Variants in AXL observed in about 807,000 individuals in gnomAD.
AXL encodes tyrosine-protein kinase receptor UFO.
Under a neutral mutation model 104.5 loss-of-function variants are expected in AXL, and 52 were observed. That is an observed-to-expected ratio of 0.50 (90% confidence interval 0.40 to 0.63). The LOEUF (loss-of-function observed/expected upper bound fraction) is 0.63, where lower values mean the gene tolerates loss of function less well. Ranked by LOEUF, AXL falls within the 20% of genes least tolerant of loss-of-function variation. The pLI is 0.00. For missense variants in AXL, 1,024 were observed against 1,188.5 expected (o/e 0.86, Z 2.04); for synonymous variants, 455 against 473.7 (o/e 0.96, Z 0.51).
intron 12 of AXL, among the ~76,000 whole-genome samples, chr19:41,244,277 T>C (rs1048510177): frequency 2.0e-5 from 3 of 151,730 alleles, no homozygotes; most frequent in Admixed American, 6.6e-5. Context: ...GAAGATGTAA[T>C]GATGATGATA....
intron 12 of AXL, among the ~76,000 whole-genome samples, chr19:41,246,996 A>T (rs2034282569): frequency 7.1e-6 from 1 of 140,604 alleles, no homozygotes; most frequent in African/African-American, 2.9e-5. Context: ...AAAATGGATA[A>T]ATTACAATTA....
At chr19:41,248,171 G>T (rs536285939) in intron 12 of AXL, among the ~76,000 whole-genome samples, 105 of 152,314 alleles carry the variant, frequency 6.9e-4, no homozygotes, top group African/African-American at 2.5e-3. Context: ...TGATCCACCT[G>T]CCTCTGCCTC....
Position 41,239,224 on chromosome 19 carries a change from G to T in AXL, c.1195G>T (p.Val399Leu). 3.1e-6 allele frequency: 5 copies of T among 1,613,112 alleles called. No homozygotes were observed. Among genetic ancestry groups the T allele is most frequent in the Non-Finnish European group, 4.2e-6 (5 of 1,179,432 alleles). ...VTLELQGDGS[V>L]SNLTVCVAAY... The stretch of plus-strand genomic sequence containing the variant: ...CCTGGAGCTGCAGGGGGACGGGTCT[G>T]TGTCCAATCTGACAGTGTGTGTGGC... The change falls in exon 9 of 20, where the codon GTG becomes TTG. Residue 399 changes from valine to leucine, a missense_variant. By Grantham distance (32) the Val-to-Leu change is conservative (BLOSUM62 1). Around this residue, in one of 5 missense-constraint regions of AXL, gnomAD observed 332 missense variants for 343.9 expected, o/e 0.97. Coordinates refer to ENST00000301178, the MANE Select transcript of AXL (RefSeq NM_021913.5).
intron 12 of AXL, 35 bp downstream of exon 12, chr19:41,243,742 G>C (rs2034224777): frequency 6.3e-7 from 1 of 1,576,284 alleles, no homozygotes; most frequent in Non-Finnish European, 8.7e-7. Context: ...CCCTGGCCTG[G>C]ATCTAAAGGC....
At chr19:41,243,095 G>A (rs997712284) in intron 11 of AXL, 80 bp downstream of exon 11, 117 of 1,589,802 alleles carry the variant, frequency 7.4e-5, no homozygotes, top group Non-Finnish European at 1.0e-4. Context: ...GGAGGCTGGT[G>A]CAGGAGGAGT....
chr19:41,219,683 G>A (rs1030065907), intron 1 of AXL, among the ~76,000 whole-genome samples: 1 of 150,740 alleles, frequency 6.6e-6, no homozygotes, highest in Non-Finnish European at 1.5e-5. Flanking sequence ...GAGAGGAACT[G>A]AAGGGCAGGG....
At chr19:41,243,488 T>G in intron 11 of AXL, 128 bp from the exon 12 acceptor site, 2 of 772,370 alleles carry the variant, frequency 2.6e-6, no homozygotes, top group East Asian at 4.9e-5. Flanking sequence ...GCCCAAGGCA[T>G]GCTCAGCAAA....
At chr19:41,249,073 T>A (rs1033053854) in intron 14 of AXL, among the ~76,000 whole-genome samples, 16 of 152,044 alleles carry the variant, frequency 1.1e-4, no homozygotes, top group African/African-American at 3.6e-4. Flanking sequence ...CTTCCCCCGC[T>A]AGGCCTGAAG....
chr19:41,239,019 G>T (rs2034133013), intron 8 of AXL, 145 bp from the exon 9 acceptor site: 3 of 925,576 alleles, frequency 3.2e-6, no homozygotes, highest in Non-Finnish European at 4.9e-6. Context: ...ATGAGGATGA[G>T]AGATGAAGGG....
rs778481048 is a variant in AXL at position 41,259,709 on chromosome 19, T to C, written c.2490T>C (p.Tyr830=). The C allele has an allele frequency of 6.2e-7, 1 of 1,614,060 alleles. No homozygotes were observed. Among genetic ancestry groups the C allele is most frequent in the Admixed American group, 1.7e-5 (1 of 59,996 alleles). ...LYVNMDEGGG[Y]PEPPGAAGGA... The stretch of plus-strand genomic sequence containing the variant: ...TCAACATGGATGAGGGTGGAGGTTA[T>C]CCTGAACCCCCTGGAGCTGCAGGAG... The change falls in exon 20 of 20, where the codon TAT becomes TAC. Residue 830 remains tyrosine, a synonymous_variant. Coordinates refer to ENST00000301178, the MANE Select transcript of AXL (RefSeq NM_021913.5).
In AXL at chr19:41,252,416, G is replaced by C; in HGVS notation, c.1777G>C (p.Asp593His). 6.2e-7 allele frequency: 1 copy of C among 1,613,978 alleles called. No individual in the cohort carries two copies. The highest frequency in any genetic ancestry group is 2.2e-5 in the East Asian group (1 of 44,834). ...LSEAVCMKEF[D>H]HPNVMRLIGV... Reference sequence around the variant, plus strand: ...TGAAGCGGTCTGCATGAAGGAATTTGACCATCCCAACGTCATGAGGCTCAT... The same window carrying C: ...TGAAGCGGTCTGCATGAAGGAATTTCACCATCCCAACGTCATGAGGCTCAT... The change falls in exon 15 of 20, where the codon GAC becomes CAC. Residue 593 changes from aspartate to histidine, a missense_variant. Physicochemically the swap from Asp to His is moderately conservative, Grantham distance 81. Coordinates refer to ENST00000301178, the MANE Select transcript of AXL (RefSeq NM_021913.5).
Position 41,239,696 on chromosome 19 carries a change from C to A in AXL, c.1288C>A (p.Gln430Lys). The change falls in exon 10 of 20, where the codon CAA becomes AAA. Residue 430 changes from glutamine (Q) to lysine (K), a missense_variant and splice_region_variant. Coordinates refer to ENST00000301178, the MANE Select transcript of AXL (RefSeq NM_021913.5). ...CTCTCTGTCCTTTCTTCTCACAGGG[C>A]AAGCACAGCCAGTCCACCAGCTGGG... is the stretch of plus-strand genomic sequence containing the variant. ...PVPLEAWRPG[Q>K]AQPVHQLVKE... 1 of 1,614,188 alleles carries A rather than the reference C, an allele frequency of 6.2e-7. No homozygotes were observed. The highest frequency in any genetic ancestry group is 8.5e-7 in the Non-Finnish European group (1 of 1,180,032).
At chr19:41,250,760 GAC>G (rs1216250511) in intron 14 of AXL, among the ~76,000 whole-genome samples, 1 of 152,026 alleles carries the variant, frequency 6.6e-6, no homozygotes, top group Admixed American at 6.6e-5. Context: ...TGTTTTTTGA[GAC>G]AGAGTCTTGC....
chr19:41,258,408 C>G (rs1159228161), intron 19 of AXL, among the ~76,000 whole-genome samples: 2 of 152,144 alleles, frequency 1.3e-5, no homozygotes, highest in African/African-American at 2.4e-5. Context: ...AAAACCCAGT[C>G]CTACAGGGAG....
intron 17 of AXL, among the ~76,000 whole-genome samples, chr19:41,255,299 TC>T (rs1355339087): frequency 1.3e-5 from 2 of 152,092 alleles, no homozygotes; most frequent in African/African-American, 2.4e-5. Context: ...TTTCTTTTTT[TC>T]TCTTTCTTTC....
chr19:41,252,506 C>T, intron 15 of AXL, 63 bp downstream of exon 15: 8 of 1,561,770 alleles, frequency 5.1e-6, no homozygotes, highest in Non-Finnish European at 7.1e-6. Flanking sequence ...GAGGGAAGAG[C>T]CCTGCTTCTG....
intron 4 of AXL, among the ~76,000 whole-genome samples, chr19:41,224,270 C>T (rs2033841615): frequency 6.6e-6 from 1 of 152,076 alleles, no homozygotes; most frequent in African/African-American, 2.4e-5. Flanking sequence ...TGTCAGCCCA[C>T]AGGTGTGCAG....
At chr19:41,238,934 G>A (rs957370024) in intron 8 of AXL, among the ~76,000 whole-genome samples, 1 of 151,946 alleles carries the variant, frequency 6.6e-6, no homozygotes, top group African/African-American at 2.4e-5. Flanking sequence ...TCCTATCAGG[G>A]CTAGCAATAC....
intron 6 of AXL, among the ~76,000 whole-genome samples, chr19:41,237,659 G>C (rs187208723): frequency 9.8e-5 from 15 of 152,308 alleles, no homozygotes; most frequent in Admixed American, 3.3e-4. Flanking sequence ...TAAGGCACTT[G>C]ATCCTCTAAG....
Sources: gnomAD v4.1 joint callset for allele counts (sites outside exome capture counted in the v4.1 genomes callset) on GRCh38, gnomAD v4.1.1 for gene constraint, gnomAD v4.1.1 regional missense constraint, MANE v1.5 for transcripts, NCBI Gene and HGNC (gene_info 2026-07-23, HGNC 2026-07-21) for gene names.